BCAT1: variants seen among roughly 807,000 people sequenced by gnomAD.
The protein encoded by BCAT1 is branched-chain-amino-acid aminotransferase, cytosolic.
Under a neutral mutation model 52.4 loss-of-function variants are expected in BCAT1, and 48 were observed. That is an observed-to-expected ratio of 0.92 (90% CI 0.73 to 1.16). BCAT1 has a LOEUF of 1.16. BCAT1 is among the 50% of genes most tolerant of loss of function. BCAT1 has a pLI of 0.00. For synonymous variants in BCAT1, 167 were observed against 161.3 expected, an observed-to-expected ratio of 1.04 and a Z score of -0.27; for missense variants, 451 against 457.1, an observed-to-expected ratio of 0.99 and a Z score of 0.12.
rs998229057 is a variant in BCAT1, at chr12:24,818,035, C to G, written c.1134G>C (p.Glu378Asp). The change falls in exon 11 of 11, where the codon GAG becomes GAC. Residue 378 changes from glutamate (E) to aspartate (D), a missense_variant. Glu to Asp is a conservative substitution (Grantham distance 45). Transcript: ENST00000261192. ...KLTDIQYGRE[E>D]SDWTIVLS ...AGGATAGCACAATTGTCCAGTCGCTCTCTTCTCTTCCATACTGCAACAAAA... is the reference window on the plus strand; with the variant it reads ...AGGATAGCACAATTGTCCAGTCGCTGTCTTCTCTTCCATACTGCAACAAAA... 6.2e-7 allele frequency: 1 copy of G among 1,613,084 alleles called. No individual in the cohort carries two copies. Among genetic ancestry groups the G allele is most frequent in the African/African-American group, 1.3e-5 (1 of 74,984 alleles).
At chr12:24,936,724 C>CTCT (rs1943760869) in intron 1 of BCAT1, among the ~76,000 whole-genome samples, 1 of 106,536 alleles carries the variant, frequency 9.4e-6, no homozygotes, top group Non-Finnish European at 2.1e-5. Flanking sequence ...CTCTCTCTCT[C>CTCT]ACACACACAC....
At chr12:24,891,321 T>C (rs997198308) in intron 3 of BCAT1, among the ~76,000 whole-genome samples, 3 of 152,094 alleles carry the variant, frequency 2.0e-5, no homozygotes, top group African/African-American at 7.2e-5. Context: ...CTGTTCATTA[T>C]ACACAAATTA....
rs770754848 is a variant in BCAT1, at chr12:24,878,643, C to T, written c.397G>A (p.Asp133Asn). The T allele has an allele frequency of 1.9e-6, 3 of 1,599,152 alleles. No individual in the cohort carries two copies. The highest frequency in any genetic ancestry group is 3.5e-5 in the Admixed American group (2 of 57,118). Residue 133 changes from aspartate (D) to asparagine (N), a missense_variant, in exon 5 of 11, where the codon GAC (aspartate) becomes AAC (asparagine). By Grantham distance (23) the Asp-to-Asn change is conservative. Transcript: ENST00000261192. Reference protein sequence around the residue: ...SAVRATLPVFDKEELLECIQQ... With the variant: ...SAVRATLPVFNKEELLECIQQ... ...ATACACTCTAAGAGCTCTTCTTTGTCAAATACCTGAAAGAATGAAAAACAT... is the reference window on the plus strand; with the variant it reads ...ATACACTCTAAGAGCTCTTCTTTGTTAAATACCTGAAAGAATGAAAAACAT...
At chr12:24,826,028 A>G (rs921820172) in intron 10 of BCAT1, among the ~76,000 whole-genome samples, 6 of 152,150 alleles carry the variant, frequency 3.9e-5, no homozygotes, top group Admixed American at 3.3e-4. Context: ...CCTGGGCAAG[A>G]TGGTGAGACT....
At chr12:24,926,399 G>A (rs952461734) in intron 1 of BCAT1, among the ~76,000 whole-genome samples, 32 of 151,868 alleles carry the variant, frequency 2.1e-4, no homozygotes, top group Non-Finnish European at 4.0e-4. Context: ...CCTCTGCCAG[G>A]CCACCCCTTC....
intron 1 of BCAT1, among the ~76,000 whole-genome samples, chr12:24,929,687 A>T (rs1190971639): frequency 2.6e-5 from 4 of 152,076 alleles, no homozygotes. Context: ...GCATAACAAG[A>T]CAACCTATGC....
chr12:24,939,298 A>G (rs1943815212), intron 1 of BCAT1, among the ~76,000 whole-genome samples: 1 of 152,228 alleles, frequency 6.6e-6, no homozygotes, highest in South Asian at 2.1e-4. Context: ...GGAGCTACAC[A>G]AATGTCTAAT....
At chr12:24,834,826 G>T (rs1940848938) in intron 8 of BCAT1, 2 of 1,110,854 alleles carry the variant, frequency 1.8e-6, no homozygotes, top group Admixed American at 4.8e-5. Context: ...GAAAAGAAAA[G>T]AAAACTCTTT....
At chr12:24,906,576 A>C (rs1428172775) in intron 1 of BCAT1, among the ~76,000 whole-genome samples, 1 of 152,200 alleles carries the variant, frequency 6.6e-6, no homozygotes, top group African/African-American at 2.4e-5. Flanking sequence ...ATGAGCATTA[A>C]TATATGAAAC....
In BCAT1 at chr12:24,842,373, G is replaced by A; in HGVS notation, c.675-149C>T. 4.7e-6 allele frequency: 4 copies of A among 847,820 alleles called. No homozygotes were observed. The South Asian group carries it at 5.7e-5, about 12-fold the overall frequency. The allele number at this position is 847,820 out of a possible 1,614,324, so 52.5% of individuals were successfully genotyped here. On this transcript the variant is annotated intron_variant, in intron 6 of 10. Coordinates refer to ENST00000261192, the MANE Select transcript of BCAT1 (RefSeq NM_005504.7). ...ATATATATACACTCTCTAGTCAACT[G>A]CATAACATTAAAGGAAAACTCATTA...
chr12:24,947,636 T>C (rs1470897682), intron 1 of BCAT1, among the ~76,000 whole-genome samples: 3 of 152,222 alleles, frequency 2.0e-5, no homozygotes, highest in Non-Finnish European at 4.4e-5. Context: ...AGACTACTTG[T>C]AGATATCTTA....
In BCAT1 at chr12:24,902,862, G is replaced by T. The variant is rs571425782; in HGVS notation, c.7-977C>A. ...GAAGGAGGATGGTGCAGGAAACGGC[G>T]ACAAGGCGCCCGGCCAGGCCCGCGA... On this transcript the variant is annotated intron_variant, in intron 1 of 10. Coordinates refer to ENST00000261192, the MANE Select transcript of BCAT1 (RefSeq NM_005504.7). The T allele has an allele frequency of 2.7e-5, 41 of 1,495,566 alleles. No homozygotes were observed. The African/African-American group carries it at 5.2e-4, about 19-fold the overall frequency. The allele number at this position is 1,495,566 out of a possible 1,614,324, so 92.6% of individuals were successfully genotyped here. A position where few individuals can be genotyped will look rare whatever the true frequency, so the allele number is the denominator to read the frequency against.
At chr12:24,869,521 T>A (rs926540927) in intron 5 of BCAT1, among the ~76,000 whole-genome samples, 1 of 152,204 alleles carries the variant, frequency 6.6e-6, no homozygotes, top group African/African-American at 2.4e-5. Flanking sequence ...AAGGACCCCA[T>A]CTTTAGCTAA....
At chr12:24,877,459 A>G (rs548813518) in intron 5 of BCAT1, among the ~76,000 whole-genome samples, 11 of 152,284 alleles carry the variant, frequency 7.2e-5, no homozygotes, top group African/African-American at 2.6e-4. Flanking sequence ...GGCATGCCCA[A>G]TCCATGCCTT....
chr12:24,924,812 A>G (rs1038962443), intron 1 of BCAT1, among the ~76,000 whole-genome samples: 1 of 152,230 alleles, frequency 6.6e-6, no homozygotes, highest in African/African-American at 2.4e-5. Context: ...AATTAATACT[A>G]ATCTTCTTAG....
chr12:24,895,568 A>G (rs1942942208), intron 2 of BCAT1, among the ~76,000 whole-genome samples: 1 of 151,994 alleles, frequency 6.6e-6, no homozygotes, highest in Admixed American at 6.6e-5. Context: ...AAGAGAAGAA[A>G]AAAAGAAACA....
In BCAT1 at chr12:24,849,397, C is replaced by T. The variant is rs1346247587; in HGVS notation, c.674+389G>A. Among the ~76,000 whole-genome samples the T allele has an allele frequency of 2.0e-5, 3 of 152,306 alleles. No homozygotes were observed. The East Asian group carries it at 5.8e-4, about 29-fold the overall frequency. Reference sequence around the variant, plus strand: ...CCAACTGAGAGCCTGGGTCCCAGGACCAGATGCTTTTTAATGCCAGCCGTC... The same window carrying T: ...CCAACTGAGAGCCTGGGTCCCAGGATCAGATGCTTTTTAATGCCAGCCGTC... On this transcript the variant is annotated intron_variant, in intron 6 of 10. Transcript: ENST00000261192.
intron 1 of BCAT1, among the ~76,000 whole-genome samples, chr12:24,933,096 C>T (rs1183168840): frequency 7.0e-6 from 1 of 143,848 alleles, no homozygotes; most frequent in Non-Finnish European, 1.5e-5. Context: ...AAGCATGAGC[C>T]ACCACGCCTG....
intron 5 of BCAT1, among the ~76,000 whole-genome samples, chr12:24,867,045 G>A (rs1018638062): frequency 3.3e-5 from 5 of 152,040 alleles, no homozygotes; most frequent in East Asian, 1.9e-4. Context: ...TGAAGCCAGC[G>A]AGACCACGAA....
Sources: allele counts gnomAD v4.1 joint callset (sites outside exome capture counted in the v4.1 genomes callset), GRCh38; gene constraint gnomAD v4.1.1; transcripts MANE v1.5; gene names NCBI Gene and HGNC (gene_info 2026-07-23, HGNC 2026-07-21).